Variants in S100A1 observed in about 807,000 individuals in gnomAD.
The protein encoded by S100A1 is S100 calcium binding protein A1, also known as protein S100-A1.
In S100A1, 3 loss-of-function variants were observed where a neutral mutation model predicts 7.6. The observed-to-expected ratio is 0.40, with a 90% CI of 0.18 to 1.02. The LOEUF (loss-of-function observed/expected upper bound fraction) is 1.02. Among genes scored for constraint, S100A1 ranks in the 50% least tolerant of loss-of-function variants. The probability of loss-of-function intolerance (pLI) is 0.35; values close to 1 mark genes in which losing one functional copy is unlikely to be tolerated. For synonymous variants in S100A1, 49 were observed against 49.0 expected, an observed-to-expected ratio of 1.00 and a Z score of 0.00; for missense variants, 126 against 115.0, an observed-to-expected ratio of 1.10 and a Z score of -0.44.
chr1:153,631,935 T>C lies in S100A1; in HGVS notation c.*94T>C. On this transcript the variant is annotated 3_prime_UTR_variant, in exon 3 of 3. Coordinates refer to ENST00000292169, the MANE Select transcript of S100A1 (RefSeq NM_006271.2). ...ACCTCACCCCACTTATCCCTCTCCATAACCCCACCCTTGCCCACCCCACCC... is the reference window on the plus strand; with the variant it reads ...ACCTCACCCCACTTATCCCTCTCCACAACCCCACCCTTGCCCACCCCACCC... 1 of 1,497,674 alleles carries C rather than the reference T, an allele frequency of 6.7e-7. No individual in the cohort carries two copies. The highest frequency in any genetic ancestry group is 9.0e-7 in the Non-Finnish European group (1 of 1,109,616). 92.8% of individuals were successfully genotyped at this position (1,497,674 alleles called of 1,614,324 possible).
intron 2 of S100A1, 191 bp from the exon 3 acceptor site, chr1:153,631,507 G>T: frequency 6.2e-7 from 1 of 1,612,176 alleles, no homozygotes; most frequent in Non-Finnish European, 8.5e-7. Context: ...TATTCATTCT[G>T]CCAGGTGAAA....
At chr1:153,630,347 C>T in intron 1 of S100A1, 162 bp from the exon 2 acceptor site, 1 of 884,610 alleles carries the variant, frequency 1.1e-6, no homozygotes, top group Non-Finnish European at 1.7e-6. Context: ...CTTGGGGTTT[C>T]CCTCACATTG....
intron 1 of S100A1, chr1:153,630,147 G>A: frequency 2.7e-6 from 1 of 374,138 alleles, no homozygotes; most frequent in Non-Finnish European, 4.8e-6. Context: ...AGGAAGCATG[G>A]CCCAGTCCTG....
chr1:153,631,106 A>G (rs1412497248), intron 2 of S100A1: 3 of 301,778 alleles, frequency 9.9e-6, no homozygotes, highest in Non-Finnish European at 1.8e-5. Flanking sequence ...TTTTAGGAGG[A>G]GGTAACTGAA....
chr1:153,628,602 G>A (rs1667816756), intron 1 of S100A1, 106 bp downstream of exon 1: 1 of 1,467,754 alleles, frequency 6.8e-7, no homozygotes, highest in Non-Finnish European at 9.1e-7. Flanking sequence ...GTGGAGCACT[G>A]AGGATCTGGG....
At position 153,631,804 on chromosome 1, in the gene S100A1, C is replaced by T; in HGVS notation, c.248C>T (p.Thr83Ile). 6.2e-7 allele frequency: 1 copy of T among 1,614,160 alleles called. No homozygotes were observed. Among genetic ancestry groups the T allele is most frequent in the Non-Finnish European group, 8.5e-7 (1 of 1,180,026 alleles). ...TATGTGGTGCTTGTGGCTGCTCTCA[C>T]AGTGGCCTGTAACAATTTCTTCTGG... ...QEYVVLVAALTVACNNFFWEN... is the reference protein window; with the variant it reads ...QEYVVLVAALIVACNNFFWEN... Residue 83 changes from threonine to isoleucine, a missense_variant, in exon 3 of 3, where the codon ACA becomes ATA. Transcript: ENST00000292169.
At position 153,630,456 on chromosome 1, in the gene S100A1, C is replaced by T. The variant is rs923749055; in HGVS notation, c.-13-53C>T. ...TCCTGAGGGTTCCCCTCACCTAGAC[C>T]CCAGGTACTCCGGGCCTGGTCCTCA... On this transcript the variant is annotated intron_variant, in intron 1 of 2. Coordinates refer to ENST00000292169, the MANE Select transcript of S100A1 (RefSeq NM_006271.2). 5.6e-6 allele frequency: 9 copies of T among 1,593,814 alleles called. No individual in the cohort carries two copies. The African/African-American group carries it at 8.0e-5, about 14-fold the overall frequency.
chr1:153,628,579 G>A, intron 1 of S100A1, 83 bp downstream of exon 1: 2 of 1,530,306 alleles, frequency 1.3e-6, no homozygotes, highest in Non-Finnish European at 1.8e-6. Flanking sequence ...AAGAGGCTGG[G>A]GACCATAGCA....
At chr1:153,629,900 G>A (rs1667906625) in intron 1 of S100A1, 1 of 153,550 alleles carries the variant, frequency 6.5e-6, no homozygotes, top group Non-Finnish European at 1.4e-5. Context: ...GGACCAAAAG[G>A]GGCCCCCAGC....
rs1013446969 is a variant in S100A1 at position 153,631,446 on chromosome 1, T to C, written c.142-252T>C. ...GACAGTGCTTGTAAAGCTCCTAGTG[T>C]AGTGCTTGCTTTATTATAGGCACTG... is the stretch of plus-strand genomic sequence containing the variant. On this transcript the variant is annotated intron_variant, in intron 2 of 2. Coordinates refer to ENST00000292169, the MANE Select transcript of S100A1 (RefSeq NM_006271.2). 2.3e-5 allele frequency: 36 copies of C among 1,560,888 alleles called. No homozygotes were observed. In the African/African-American group the frequency reaches 4.5e-4, roughly 20 times the overall value.
chr1:153,630,840 T>G (rs1307172747), intron 2 of S100A1, among the ~76,000 whole-genome samples, 178 bp downstream of exon 2: 1 of 152,224 alleles, frequency 6.6e-6, no homozygotes, highest in Non-Finnish European at 1.5e-5. Flanking sequence ...CAAGTCAAAA[T>G]GCCCTGGTTT....
chr1:153,630,842 C>G (rs1667971832), intron 2 of S100A1, among the ~76,000 whole-genome samples, 180 bp downstream of exon 2: 1 of 152,224 alleles, frequency 6.6e-6, no homozygotes, highest in South Asian at 2.1e-4. Context: ...AGTCAAAATG[C>G]CCTGGTTTAT....
Position 153,631,804 on chromosome 1 carries a change from C to G in S100A1, c.248C>G (p.Thr83Arg), listed in dbSNP as rs1450017558. Residue 83 changes from threonine (T) to arginine (R), a missense_variant, in exon 3 of 3, where the codon ACA becomes AGA. By Grantham distance (71) the Thr-to-Arg change is moderately conservative (BLOSUM62 -1). Transcript: ENST00000292169. ...TATGTGGTGCTTGTGGCTGCTCTCA[C>G]AGTGGCCTGTAACAATTTCTTCTGG... The part of the protein sequence containing the change: ...QEYVVLVAAL[T>R]VACNNFFWEN... 1.2e-6 allele frequency: 2 copies of G among 1,614,160 alleles called. No individual in the cohort carries two copies. The highest frequency in any genetic ancestry group is 3.3e-5 in the Admixed American group (2 of 60,018).
intron 1 of S100A1, chr1:153,629,423 C>CCCCCTAG (rs1667877939): frequency 6.6e-6 from 1 of 152,208 alleles, no homozygotes; most frequent in East Asian, 1.9e-4. Context: ...CATTGTCCAG[C>CCCCCTAG]CCCCTAGGCC....
chr1:153,629,510 G>T (rs930954641), intron 1 of S100A1: 1 of 152,332 alleles, frequency 6.6e-6, no homozygotes, highest in Non-Finnish European at 1.5e-5. Context: ...GACTGTCCCA[G>T]GGCCAAGGGA....
At position 153,631,807 on chromosome 1, in the gene S100A1, T is replaced by C; in HGVS notation, c.251T>C (p.Val84Ala). Residue 84 changes from valine (V) to alanine (A), a missense_variant, in exon 3 of 3, where the codon GTG (valine) becomes GCG (alanine). Transcript: ENST00000292169. Reference sequence around the variant, plus strand: ...GTGGTGCTTGTGGCTGCTCTCACAGTGGCCTGTAACAATTTCTTCTGGGAG... The same window carrying C: ...GTGGTGCTTGTGGCTGCTCTCACAGCGGCCTGTAACAATTTCTTCTGGGAG... The part of the protein sequence containing the change: ...EYVVLVAALT[V>A]ACNNFFWENS 2 of 1,614,156 alleles carry C rather than the reference T, an allele frequency of 1.2e-6. No homozygotes were observed. The highest frequency in any genetic ancestry group is 1.7e-6 in the Non-Finnish European group (2 of 1,180,036).
intron 1 of S100A1, 43 bp from the exon 2 acceptor site, chr1:153,630,466 C>T (rs759365979): frequency 6.2e-7 from 1 of 1,603,092 alleles, no homozygotes; most frequent in South Asian, 1.1e-5. Flanking sequence ...CCCAGGTACT[C>T]CGGGCCTGGT....
intron 2 of S100A1, chr1:153,631,102 G>A (rs1260992480): frequency 3.3e-6 from 1 of 300,038 alleles, no homozygotes; most frequent in Non-Finnish European, 6.2e-6. Context: ...GACATTTTAG[G>A]AGGAGGTAAC....
intron 1 of S100A1, 116 bp from the exon 2 acceptor site, chr1:153,630,393 C>G: frequency 7.6e-7 from 1 of 1,315,648 alleles, no homozygotes; most frequent in South Asian, 1.5e-5. Flanking sequence ...CAGTAGGGCT[C>G]TAATCCCACA....
Sources: allele counts gnomAD v4.1 joint callset (sites outside exome capture counted in the v4.1 genomes callset), GRCh38; gene constraint gnomAD v4.1.1; transcripts MANE v1.5; gene names NCBI Gene and HGNC (gene_info 2026-07-23, HGNC 2026-07-21).